The following RRP12 variants were observed in gnomAD, a reference collection of about 807,000 sequenced individuals.
RRP12 encodes ribosomal RNA processing 12 homolog, also known as RRP12-like protein.
A neutral mutation model predicts 157.3 loss-of-function variants in RRP12; 78 were observed. That is an observed-to-expected ratio of 0.50 (90% CI 0.41 to 0.60). The LOEUF (loss-of-function observed/expected upper bound fraction) is 0.60, where lower values mean the gene tolerates loss of function less well. RRP12 is among the 20% of genes least tolerant of loss of function. RRP12 has a pLI of 0.00. For synonymous variants in RRP12, 726 were observed against 670.9 expected (o/e 1.08, Z -1.27); for missense variants, 1,521 against 1,679.9 (o/e 0.91, Z 1.65).
chr10:97,385,279 T>G (rs780248308), intron 9 of RRP12, 22 bp from the exon 10 acceptor site: 3 of 1,576,374 alleles, frequency 1.9e-6, no homozygotes, highest in Middle Eastern at 1.7e-4. Context: ...AATAAGCAGG[T>G]GACTGAGCAT....
At chr10:97,393,602 T>C in intron 4 of RRP12, 82 bp downstream of exon 4, 1 of 1,080,802 alleles carries the variant, frequency 9.3e-7, no homozygotes, top group Non-Finnish European at 1.4e-6. Flanking sequence ...AAATAACAAT[T>C]CCCTGATCCT....
intron 25 of RRP12, 61 bp from the exon 26 acceptor site, chr10:97,367,193 T>A: frequency 7.0e-7 from 1 of 1,423,198 alleles, no homozygotes; most frequent in Non-Finnish European, 9.9e-7. Flanking sequence ...CCCCCTTTAC[T>A]GCTGTCCAGC....
rs773817601 is a variant in RRP12, at chr10:97,372,790, A to G, written c.2195T>C (p.Leu732Pro). The G allele has an allele frequency of 6.4e-7, 1 of 1,562,904 alleles. No homozygotes were observed. Among genetic ancestry groups the G allele is most frequent in the Non-Finnish European group, 8.7e-7 (1 of 1,152,952 alleles). Residue 732 changes from leucine (L) to proline (P), a missense_variant, in exon 19 of 34, where the codon CTC becomes CCC. Coordinates refer to ENST00000370992, the MANE Select transcript of RRP12 (RefSeq NM_015179.4). The stretch of plus-strand genomic sequence containing the variant: ...CACCTTCTCACTGGCTTTTTCCAGG[A>G]GACTGTTCACCAACTTGTGGCCCCG... ...TITDTQLVNS[L>P]LEKASEKVLD...
At chr10:97,391,210 T>C (rs1394419534) in intron 4 of RRP12, among the ~76,000 whole-genome samples, 1 of 152,214 alleles carries the variant, frequency 6.6e-6, no homozygotes, top group East Asian at 1.9e-4. Flanking sequence ...CCTGGTATAA[T>C]GACCCAGTCA....
At chr10:97,371,323 A>T in intron 20 of RRP12, 1 of 560,432 alleles carries the variant, frequency 1.8e-6, no homozygotes, top group Non-Finnish European at 3.2e-6. Flanking sequence ...GACAGTGCTC[A>T]CTCCAGTGGC....
In RRP12 at chr10:97,391,748, G is replaced by A. The variant is rs141083764; in HGVS notation, c.531-904C>T. Reference sequence around the variant, plus strand: ...CATCCTGGCTAACACAGTGAAACCCGGTCTCTACTAAAAATACAAACAATT... The same window carrying A: ...CATCCTGGCTAACACAGTGAAACCCAGTCTCTACTAAAAATACAAACAATT... On this transcript the variant is annotated intron_variant, in intron 4 of 33. Coordinates refer to ENST00000370992, the MANE Select transcript of RRP12 (RefSeq NM_015179.4). 5.0e-3 allele frequency among the ~76,000 whole-genome samples: 766 copies of A among 151,994 alleles called. 8 individuals carry two copies. The highest frequency in any genetic ancestry group is 0.017 in the African/African-American group (714 of 41,424).
upstream of RRP12, chr10:97,401,348 C>G: frequency 7.5e-7 from 1 of 1,337,226 alleles, no homozygotes; most frequent in East Asian, 2.3e-5. Flanking sequence ...TCTGGCGTCA[C>G]TTCCGGATTC....
Position 97,366,759 on chromosome 10 carries a change from G to A in RRP12, c.3198C>T (p.Ala1066=), listed in dbSNP as rs1456384089. The change falls in exon 27 of 34, where the codon GCC becomes GCT. Residue 1066 remains alanine, a synonymous_variant. Coordinates refer to ENST00000370992, the MANE Select transcript of RRP12 (RefSeq NM_015179.4). The part of the protein sequence containing the change: ...EEEEEEEEEP[A]QGKGDSIEEI... ...GGTCTCACCTGTCACCTTTGCCCTG[G>A]GCGGGCTCCTCCTCCTCCTCCTCCT... 6 of 1,612,228 alleles carry A rather than the reference G, an allele frequency of 3.7e-6. No individual in the cohort carries two copies. The highest frequency in any genetic ancestry group is 3.3e-5 in the South Asian group (3 of 90,900).
intron 29 of RRP12, chr10:97,365,785 G>A: frequency 8.1e-6 from 2 of 247,588 alleles, no homozygotes; most frequent in Non-Finnish European, 1.5e-5. Context: ...AAAAAAAAGA[G>A]GAAGGAAGAA....
intron 2 of RRP12, among the ~76,000 whole-genome samples, chr10:97,398,645 C>T (rs1347870647): frequency 6.6e-6 from 1 of 151,748 alleles, no homozygotes; most frequent in Non-Finnish European, 1.5e-5. Flanking sequence ...CTATGTCCAG[C>T]CTGAAAATTT....
intron 1 of RRP12, 70 bp downstream of exon 1, chr10:97,401,023 C>A: frequency 6.4e-7 from 1 of 1,570,830 alleles, no homozygotes; most frequent in Non-Finnish European, 8.6e-7. Context: ...CCCAGAGGCC[C>A]CAGACTCATC....
chr10:97,365,664 T>C (rs1259635661), intron 29 of RRP12, among the ~76,000 whole-genome samples: 5 of 151,428 alleles, frequency 3.3e-5, no homozygotes, highest in African/African-American at 1.2e-4. Context: ...CCGGAGGGAC[T>C]CCCGGGCAAT....
At chr10:97,376,103 A>AAAACAAAC (rs111643590) in intron 15 of RRP12, among the ~76,000 whole-genome samples, 1 of 150,718 alleles carries the variant, frequency 6.6e-6, no homozygotes, top group Non-Finnish European at 1.5e-5. Context: ...ACTCTGTCTC[A>AAAACAAAC]AAACAAACAA....
intron 6 of RRP12, among the ~76,000 whole-genome samples, chr10:97,389,179 C>T (rs965114534): frequency 8.5e-5 from 13 of 152,098 alleles, no homozygotes; most frequent in South Asian, 2.1e-4. Context: ...CTGCAAGCTC[C>T]GCCTCCCAGG....
At chr10:97,372,206 G>A (rs1019174405) in intron 19 of RRP12, 40 bp from the exon 20 acceptor site, 2 of 1,520,868 alleles carry the variant, frequency 1.3e-6, no homozygotes, top group Non-Finnish European at 9.1e-7. Context: ...ATGGGGAGCT[G>A]GAGAAGGGCG....
At position 97,357,047 on chromosome 10, in the gene RRP12, G is replaced by C. The variant is rs755368156; in HGVS notation, c.*47C>G. On this transcript the variant is annotated 3_prime_UTR_variant, in exon 34 of 34. Coordinates refer to ENST00000370992, the MANE Select transcript of RRP12 (RefSeq NM_015179.4). ...CTGGTGGCAAGGCAGCCTGGGGGCTGAAAGGGCCTCAGACTGGACCACAGG... is the reference window on the plus strand; with the variant it reads ...CTGGTGGCAAGGCAGCCTGGGGGCTCAAAGGGCCTCAGACTGGACCACAGG... 1 of 1,155,736 alleles carries C rather than the reference G, an allele frequency of 8.7e-7. No individual in the cohort carries two copies. Among genetic ancestry groups the C allele is most frequent in the Non-Finnish European group, 1.3e-6 (1 of 782,540 alleles). 71.6% of individuals were successfully genotyped at this position (1,155,736 alleles called of 1,614,324 possible). A position where few individuals can be genotyped will look rare whatever the true frequency, so the allele number is the denominator to read the frequency against.
chr10:97,364,022 TG>T, intron 29 of RRP12, 119 bp from the exon 30 acceptor site: 1 of 846,048 alleles, frequency 1.2e-6, no homozygotes, highest in Non-Finnish European at 2.0e-6. Context: ...CCCAGAAAAT[TG>T]CCTTCCTCAG....
intron 4 of RRP12, 45 bp from the exon 5 acceptor site, chr10:97,390,889 A>G: frequency 7.7e-7 from 1 of 1,299,856 alleles, no homozygotes; most frequent in Non-Finnish European, 1.1e-6. Flanking sequence ...GTCCCTGAAG[A>G]GCAGCTGGTG....
At chr10:97,381,599 A>T in intron 11 of RRP12, 116 bp from the exon 12 acceptor site, 1 of 1,224,218 alleles carries the variant, frequency 8.2e-7, no homozygotes, top group South Asian at 1.4e-5. Context: ...CCTATCTCCC[A>T]TTTTGAGAGC....
Sources: allele counts gnomAD v4.1 joint callset (sites outside exome capture counted in the v4.1 genomes callset), GRCh38; gene constraint gnomAD v4.1.1; transcripts MANE v1.5; gene names NCBI Gene and HGNC (gene_info 2026-07-23, HGNC 2026-07-21).